Variants in STX2 observed in about 807,000 individuals in gnomAD.
STX2 encodes syntaxin 2.
A neutral mutation model predicts 40.6 loss-of-function variants in STX2; 27 were observed. The observed-to-expected ratio is 0.66, with a 90% CI of 0.49 to 0.92. The LOEUF is 0.92. Ranked by LOEUF, STX2 falls within the 40% of genes least tolerant of loss-of-function variation. The pLI is 0.00. For synonymous variants in STX2, 123 were observed against 119.1 expected (o/e 1.03, Z -0.22); for missense variants, 328 against 366.1 (o/e 0.90, Z 0.85).
chr12:130,817,122 A>C (rs1314920597), intron 3 of STX2, among the ~76,000 whole-genome samples: 1 of 152,120 alleles, frequency 6.6e-6, no homozygotes, highest in African/African-American at 2.4e-5. Flanking sequence ...AAAAAAACAC[A>C]TGAATGAAAA....
At chr12:130,827,382 A>C in intron 1 of STX2, 115 bp from the exon 2 acceptor site, 1 of 730,624 alleles carries the variant, frequency 1.4e-6, no homozygotes, top group South Asian at 1.6e-5. Context: ...TACAGCACCA[A>C]ATTGTAACAG....
intron 1 of STX2, among the ~76,000 whole-genome samples, chr12:130,838,739 G>A (rs544444923): frequency 3.9e-5 from 6 of 152,270 alleles, no homozygotes; most frequent in South Asian, 4.1e-4. Flanking sequence ...GTGACGGACA[G>A]GGAGCCACGC....
At chr12:130,806,453 G>A (rs940358437) in intron 6 of STX2, among the ~76,000 whole-genome samples, 1 of 152,186 alleles carries the variant, frequency 6.6e-6, no homozygotes, top group Non-Finnish European at 1.5e-5. Context: ...CACAGCTGAA[G>A]GACCCGAGCT....
Position 130,790,065 on chromosome 12 carries a change from G to C in STX2, c.*1958C>G, listed in dbSNP as rs1008241029. 6.6e-6 allele frequency: 1 copy of C among 152,188 alleles called. No homozygotes were observed. Among genetic ancestry groups the C allele is most frequent in the African/African-American group, 2.4e-5 (1 of 41,428 alleles). 9.4% of individuals were successfully genotyped at this position (152,188 alleles called of 1,614,324 possible). On this transcript the variant is annotated 3_prime_UTR_variant, in exon 11 of 11. Coordinates refer to ENST00000392373, the MANE Select transcript of STX2 (RefSeq NM_194356.4). The stretch of plus-strand genomic sequence containing the variant: ...GAGGCGTGGAGTCCTTTTGCCACCA[G>C]CATGATCCTGAAATATTGAAAACCC...
At chr12:130,799,318 C>T (rs1051744766) in intron 8 of STX2, among the ~76,000 whole-genome samples, 4 of 152,182 alleles carry the variant, frequency 2.6e-5, no homozygotes, top group African/African-American at 9.7e-5. Context: ...TAATGCAATA[C>T]CAACAGACTT....
chr12:130,829,252 T>A (rs4619189), intron 1 of STX2, among the ~76,000 whole-genome samples: 1 of 152,074 alleles, frequency 6.6e-6, no homozygotes, highest in Non-Finnish European at 1.5e-5. Context: ...ATTACCATGT[T>A]GACCCTCTTA....
intron 6 of STX2, among the ~76,000 whole-genome samples, chr12:130,804,267 G>A (rs1951341295): frequency 6.6e-6 from 1 of 152,158 alleles, no homozygotes; most frequent in Admixed American, 6.5e-5. Context: ...GAAAGAAAGG[G>A]GACAAAATGG....
At chr12:130,836,159 G>A (rs974121827) in intron 1 of STX2, among the ~76,000 whole-genome samples, 2 of 152,048 alleles carry the variant, frequency 1.3e-5, no homozygotes, top group Admixed American at 6.6e-5. Flanking sequence ...GGGCGGGGGA[G>A]GGGAATTAAA....
rs1314250778 is a variant in STX2 at position 130,801,408 on chromosome 12, C to G, written c.537+7G>C. 6.2e-7 allele frequency: 1 copy of G among 1,606,678 alleles called. No individual in the cohort carries two copies. The highest frequency in any genetic ancestry group is 8.5e-7 in the Non-Finnish European group (1 of 1,175,694). On this transcript the variant is annotated splice_region_variant and intron_variant, in intron 7 of 10. Transcript: ENST00000392373. ...ACATGGAGCCACAGGGCCGCACCCC[C>G]ACTCACGTCGGAAGTGAAGATGGAT...
chr12:130,806,051 A>G (rs1951420490), intron 6 of STX2, among the ~76,000 whole-genome samples: 1 of 152,222 alleles, frequency 6.6e-6, no homozygotes, highest in African/African-American at 2.4e-5. Flanking sequence ...AACATACACC[A>G]GAGGAGGTTA....
chr12:130,804,725 T>G (rs886115374), intron 6 of STX2, among the ~76,000 whole-genome samples: 2 of 151,526 alleles, frequency 1.3e-5, no homozygotes, highest in Non-Finnish European at 2.9e-5. Flanking sequence ...ACCTGCTCAC[T>G]TCGGAATAGC....
Position 130,821,720 on chromosome 12 carries a change from G to T in STX2, c.174C>A (p.Ser58Arg). 1 of 1,613,788 alleles carries T rather than the reference G, an allele frequency of 6.2e-7. No homozygotes were observed. The highest frequency in any genetic ancestry group is 8.5e-7 in the Non-Finnish European group (1 of 1,179,672). Residue 58 changes from serine (S) to arginine (R), a missense_variant, in exon 3 of 11, where the codon AGC (serine) becomes AGA (arginine). Ser to Arg is a moderately radical substitution (Grantham distance 110, BLOSUM62 -1). Transcript: ENST00000392373. ...CCGGGTTTGGTGCAGAAAGAATGAT[G>T]CTGTGGTTTTTCTTTACTTCTTCAA... is the stretch of plus-strand genomic sequence containing the variant. ...QYVEEVKKNH[S>R]IILSAPNPEG...
At chr12:130,803,727 A>C (rs1483625920) in intron 6 of STX2, among the ~76,000 whole-genome samples, 2 of 151,606 alleles carry the variant, frequency 1.3e-5, no homozygotes, top group African/African-American at 4.8e-5. Context: ...ACGTTCACAA[A>C]GGTCTTCCCA....
chr12:130,826,846 C>CAAA (rs34678057), intron 2 of STX2, among the ~76,000 whole-genome samples: 3 of 143,620 alleles, frequency 2.1e-5, no homozygotes, highest in Non-Finnish European at 3.0e-5. Flanking sequence ...ACTAAAAGTG[C>CAAA]AAAAAAAAAA....
chr12:130,837,512 G>A (rs375784102), intron 1 of STX2, among the ~76,000 whole-genome samples: 9 of 152,286 alleles, frequency 5.9e-5, no homozygotes, highest in African/African-American at 2.2e-4. Context: ...TCCAACTCCT[G>A]ACCTCAAGTG....
At chr12:130,810,132 A>G (rs1951592847) in intron 4 of STX2, among the ~76,000 whole-genome samples, 1 of 152,128 alleles carries the variant, frequency 6.6e-6, no homozygotes, top group Non-Finnish European at 1.5e-5. Context: ...AAGTAATCAT[A>G]CTCTTGACAG....
In STX2 at chr12:130,815,355, C is replaced by T. The variant is rs865955104; in HGVS notation, c.206-2324G>A. Among the ~76,000 whole-genome samples, 16 of 152,332 alleles carry T rather than the reference C, an allele frequency of 1.1e-4. No homozygotes were observed. In the South Asian group the frequency reaches 3.3e-3, roughly 32 times the overall value. On this transcript the variant is annotated intron_variant, in intron 3 of 10. Transcript: ENST00000392373. ...CACACAACAAAGAACTGGCCTCCAT[C>T]CTCCTGTAGTTCCTGAGCGTGACGA...
chr12:130,811,965 T>C (rs1951676971), intron 4 of STX2, among the ~76,000 whole-genome samples: 1 of 152,164 alleles, frequency 6.6e-6, no homozygotes, highest in Non-Finnish European at 1.5e-5. Flanking sequence ...ACTACCAACC[T>C]ACAGCAAATT....
intron 4 of STX2, among the ~76,000 whole-genome samples, chr12:130,809,207 T>C (rs1364709058): frequency 9.2e-5 from 14 of 152,144 alleles, no homozygotes; most frequent in Admixed American, 8.5e-4. Context: ...CACACAGATA[T>C]ATATACATAC....
Sources: allele counts gnomAD v4.1 joint callset (sites outside exome capture counted in the v4.1 genomes callset), GRCh38; gene constraint gnomAD v4.1.1; transcripts MANE v1.5; gene names NCBI Gene and HGNC (gene_info 2026-07-23, HGNC 2026-07-21).